The following KIF23 variants were observed in gnomAD, a reference collection of about 807,000 sequenced individuals.
KIF23 encodes kinesin family member 23.
A neutral mutation model predicts 137.5 loss-of-function variants in KIF23; 30 were observed. That is an observed-to-expected ratio of 0.22 (90% CI 0.16 to 0.30). The LOEUF (loss-of-function observed/expected upper bound fraction) is 0.30, where lower values mean the gene tolerates loss of function less well. KIF23 is among the 10% of genes least tolerant of loss of function. The pLI is 1.00. For synonymous variants in KIF23, 367 were observed against 391.1 expected (o/e 0.94, Z 0.73); for missense variants, 920 against 1,194.3 (o/e 0.77, Z 3.38).
At chr15:69,414,838 C>G in intron 1 of KIF23, 1 of 249,110 alleles carries the variant, frequency 4.0e-6, no homozygotes, top group South Asian at 1.5e-4. Context: ...CTGCCGCCGC[C>G]TCCAGAGTGC....
intron 10 of KIF23, chr15:69,427,244 A>G (rs2057220588): frequency 5.7e-6 from 2 of 348,742 alleles, no homozygotes; most frequent in Admixed American, 3.7e-5. Context: ...TTGAGCATCC[A>G]TGGAATTTGG....
intron 13 of KIF23, 79 bp from the exon 14 acceptor site, chr15:69,436,059 C>A: frequency 6.5e-7 from 1 of 1,539,984 alleles, no homozygotes; most frequent in Non-Finnish European, 8.8e-7. Context: ...TAAAAATAAG[C>A]AATCTTTGCT....
chr15:69,432,944 C>T (rs1042076843), intron 11 of KIF23, among the ~76,000 whole-genome samples: 1 of 152,104 alleles, frequency 6.6e-6, no homozygotes, highest in African/African-American at 2.4e-5. Context: ...CTAGTGAATT[C>T]CAGTTGGTTT....
chr15:69,444,817 C>T lies in KIF23; in HGVS notation c.2449C>T (p.Pro817Ser). ...RLLFQPDQNA[P>S]PIRLRHRRSR... ...ACTCTTTCAACCTGATCAGAACGCA[C>T]CACCAATTCGTCTCCGACACAGACG... is the stretch of plus-strand genomic sequence containing the variant. The change falls in exon 20 of 24, where the codon CCA becomes TCA. Residue 817 changes from proline (P) to serine (S), a missense_variant. Around this residue, in one of 4 missense-constraint regions of KIF23, gnomAD observed 714 missense variants for 866.2 expected, o/e 0.82. Transcript: ENST00000679126. The surrounding 1 kb of genome is among the most constrained non-coding windows in gnomAD (Gnocchi z 4.2). 6.2e-7 allele frequency: 1 copy of T among 1,614,162 alleles called. No individual in the cohort carries two copies. Among genetic ancestry groups the T allele is most frequent in the Non-Finnish European group, 8.5e-7 (1 of 1,180,026 alleles).
At chr15:69,447,744 G>A in intron 23 of KIF23, 48 bp from the exon 24 acceptor site, 1 of 1,577,712 alleles carries the variant, frequency 6.3e-7, no homozygotes. Flanking sequence ...CTATGAATGT[G>A]TTACTAATTG....
intron 22 of KIF23, 21 bp downstream of exon 22, chr15:69,446,385 TTGTC>T (rs2057740911): frequency 1.3e-6 from 2 of 1,586,732 alleles, no homozygotes; most frequent in Non-Finnish European, 1.7e-6. Flanking sequence ...AATTAAATAT[TTGTC>T]TGCCTACTAA....
chr15:69,428,220 A>T (rs2057254261), intron 10 of KIF23, among the ~76,000 whole-genome samples: 1 of 151,596 alleles, frequency 6.6e-6, no homozygotes, highest in Admixed American at 6.6e-5. Flanking sequence ...GCGCCACTGC[A>T]CTCCAGCCTG....
At chr15:69,437,759 C>T (rs900419812) in intron 15 of KIF23, among the ~76,000 whole-genome samples, 1 of 151,720 alleles carries the variant, frequency 6.6e-6, no homozygotes, top group Non-Finnish European at 1.5e-5. Flanking sequence ...ATGCCTGGCT[C>T]TACTATTTTT....
intron 11 of KIF23, among the ~76,000 whole-genome samples, chr15:69,430,196 T>C (rs1469238435): frequency 6.6e-6 from 1 of 152,230 alleles, no homozygotes; most frequent in African/African-American, 2.4e-5. Context: ...ATGTGTTTTT[T>C]AAAATTCATG....
intron 11 of KIF23, chr15:69,435,124 C>T (rs896365210): frequency 7.2e-5 from 34 of 469,190 alleles, no homozygotes; most frequent in Non-Finnish European, 1.5e-5. Flanking sequence ...TGATTCCTGT[C>T]AATTGCCTAG....
At chr15:69,435,197 AG>A in intron 11 of KIF23, 1 of 474,636 alleles carries the variant, frequency 2.1e-6, no homozygotes, top group Non-Finnish European at 3.7e-6. Flanking sequence ...CAGAGAATTT[AG>A]GATTTGGAAG....
chr15:69,435,040 C>G (rs924059702), intron 11 of KIF23: 1 of 556,392 alleles, frequency 1.8e-6, no homozygotes, highest in African/African-American at 1.9e-5. Context: ...TGGTGTGGTC[C>G]CCATAGTTCC....
At chr15:69,431,270 G>T (rs1466921029) in intron 11 of KIF23, among the ~76,000 whole-genome samples, 1 of 152,220 alleles carries the variant, frequency 6.6e-6, no homozygotes, top group Non-Finnish European at 1.5e-5. Flanking sequence ...ACATGGATTT[G>T]GAAGGAGAGA....
In KIF23 at chr15:69,439,953, A is replaced by G. The variant is rs375380237; in HGVS notation, c.1805A>G (p.Asn602Ser). The change falls in exon 17 of 24, where the codon AAT becomes AGT. Residue 602 changes from asparagine to serine, a missense_variant. Transcript: ENST00000679126. ...TTTIYEEDKR[N>S]LQQELETQNQ... ...ACTATCTATGAGGAAGATAAACGCAATTTGCAACAGGAACTTGAAACTCAG... is the reference window on the plus strand; with the variant it reads ...ACTATCTATGAGGAAGATAAACGCAGTTTGCAACAGGAACTTGAAACTCAG... 6.6e-5 allele frequency: 106 copies of G among 1,614,068 alleles called. 1 individual carries two copies. In the South Asian group the frequency reaches 1.0e-3, roughly 15 times the overall value.
chr15:69,436,318 T>C (rs2057478900), intron 14 of KIF23, 57 bp downstream of exon 14: 1 of 1,553,378 alleles, frequency 6.4e-7, no homozygotes, highest in Non-Finnish European at 8.7e-7. Context: ...TTCTCTCTTT[T>C]TTAAAAAAAA....
intron 16 of KIF23, 96 bp from the exon 17 acceptor site, chr15:69,439,808 C>A: frequency 2.3e-6 from 2 of 884,924 alleles, no homozygotes; most frequent in Non-Finnish European, 1.6e-6. Context: ...TTTCTTTCCA[C>A]AAATATGCTT....
At chr15:69,422,302 T>TC in intron 5 of KIF23, 24 bp from the exon 6 acceptor site, 4 of 1,451,602 alleles carry the variant, frequency 2.8e-6, no homozygotes, top group Non-Finnish European at 3.8e-6. Context: ...TGGTGTGATT[T>TC]TTTTTTTTTT....
intron 3 of KIF23, among the ~76,000 whole-genome samples, chr15:69,419,297 A>G (rs2056993940): frequency 9.5e-4 from 1 of 1,058 alleles, no homozygotes; most frequent in African/African-American, 1.0e-3. Context: ...TCTACAGAGC[A>G]GACAGTGATC....
Position 69,447,815 on chromosome 15 carries a change from G to T in KIF23, c.*8G>T. 1 of 1,606,522 alleles carries T rather than the reference G, an allele frequency of 6.2e-7. No individual in the cohort carries two copies. Among genetic ancestry groups the T allele is most frequent in the Non-Finnish European group, 8.5e-7 (1 of 1,174,424 alleles). On this transcript the variant is annotated 3_prime_UTR_variant, in exon 24 of 24. Transcript: ENST00000679126. Reference sequence around the variant, plus strand: ...AGGCGCAAAAAGCCATGAACTGACAGTCCCAGTACTGAAAGAACATTTTCA... The same window carrying T: ...AGGCGCAAAAAGCCATGAACTGACATTCCCAGTACTGAAAGAACATTTTCA...
Sources: gnomAD v4.1 joint callset for allele counts (sites outside exome capture counted in the v4.1 genomes callset) on GRCh38, gnomAD v4.1.1 for gene constraint, gnomAD v4.1.1 regional missense constraint, Gnocchi (gnomAD v3.1) non-coding constraint, MANE v1.5 for transcripts, NCBI Gene and HGNC (gene_info 2026-07-23, HGNC 2026-07-21) for gene names.